TRPV4: variants seen among roughly 807,000 people sequenced by gnomAD.
The protein encoded by TRPV4 is OSM9-like transient receptor potential channel 4.
Under a neutral mutation model 84.1 loss-of-function variants are expected in TRPV4, and 58 were observed. The ratio of observed to expected loss-of-function variants is 0.69; its 90% CI spans 0.56 to 0.86. The LOEUF (loss-of-function observed/expected upper bound fraction) is 0.86, where lower values mean the gene tolerates loss of function less well. TRPV4 is among the 40% of genes least tolerant of loss of function. The pLI, the probability that TRPV4 is intolerant of heterozygous loss-of-function variation, is 0.00. For synonymous variants in TRPV4, 489 were observed against 500.9 expected, an observed-to-expected ratio of 0.98 and a Z score of 0.32; for missense variants, 879 against 1,181.1, an observed-to-expected ratio of 0.74 and a Z score of 3.75.
intron 1 of TRPV4, among the ~76,000 whole-genome samples, chr12:109,827,663 C>T (rs1382690233): frequency 6.6e-6 from 1 of 151,878 alleles, no homozygotes; most frequent in Non-Finnish European, 1.5e-5. Flanking sequence ...AACATACACA[C>T]ACATACACAC....
chr12:109,789,304 G>C (rs1200433187), intron 12 of TRPV4, among the ~76,000 whole-genome samples: 1 of 152,112 alleles, frequency 6.6e-6, no homozygotes, highest in African/African-American at 2.4e-5. Context: ...GCACAGGATG[G>C]TCCCCGCCAC....
At chr12:109,808,772 C>A (rs1429937252) in intron 2 of TRPV4, among the ~76,000 whole-genome samples, 2 of 146,536 alleles carry the variant, frequency 1.4e-5, no homozygotes, top group Admixed American at 6.7e-5. Context: ...TCCATCCATC[C>A]ATCACTCATC....
rs12305439 is a variant in TRPV4 at position 109,808,472 on chromosome 12, G to A, written c.387-4C>T. 4,307 of 1,610,698 alleles carry A rather than the reference G, an allele frequency of 2.7e-3. 103 individuals carry two copies. In the African/African-American group the frequency reaches 0.05, roughly 19 times the overall value. ...TTTGGGGCTCTGCGGCTGCTTCCTGGAGGAGGTAGGGAGGCAAGTTGATGG... is the reference window on the plus strand; with the variant it reads ...TTTGGGGCTCTGCGGCTGCTTCCTGAAGGAGGTAGGGAGGCAAGTTGATGG... On this transcript the variant is annotated splice_polypyrimidine_tract_variant and splice_region_variant and intron_variant, in intron 2 of 15. Coordinates refer to ENST00000261740, the MANE Select transcript of TRPV4 (RefSeq NM_021625.5).
chr12:109,799,949 T>A (rs1890668559), intron 5 of TRPV4, among the ~76,000 whole-genome samples: 1 of 151,668 alleles, frequency 6.6e-6, no homozygotes, highest in East Asian at 1.9e-4. Flanking sequence ...TTTATTTATT[T>A]ATTTATTTTT....
At chr12:109,785,659 T>C (rs1889641803) in intron 14 of TRPV4, among the ~76,000 whole-genome samples, 1 of 151,258 alleles carries the variant, frequency 6.6e-6, no homozygotes, top group Admixed American at 6.6e-5. Context: ...CCTCAGGTGA[T>C]CCACCCACCT....
At chr12:109,787,290 G>T (rs111776707) in intron 13 of TRPV4, among the ~76,000 whole-genome samples, 5,004 of 151,994 alleles carry the variant, frequency 0.033, 278 homozygotes, top group African/African-American at 0.11. Context: ...GCAGTTTTTT[G>T]TTGTTGTTGT....
Position 109,788,257 on chromosome 12 carries a change from C to A in TRPV4, c.2208+143G>T, listed in dbSNP as rs374905783. 1,069 of 833,274 alleles carry A rather than the reference C, an allele frequency of 1.3e-3. 17 individuals are homozygous for A. In the South Asian group the frequency reaches 0.018, roughly 14 times the overall value. The allele number at this position is 833,274 out of a possible 1,614,324, so 51.6% of individuals were successfully genotyped here. On this transcript the variant is annotated intron_variant, in intron 13 of 15. Coordinates refer to ENST00000261740, the MANE Select transcript of TRPV4 (RefSeq NM_021625.5). ...GGGAAGTCAGCAGCAGCCTCTGATG[C>A]CCATTTTACCGACAGAGAAGTGGAG...
Position 109,819,896 on chromosome 12 carries a change from C to T in TRPV4, c.-31-5069G>A, listed in dbSNP as rs865964252. ...GTTTTTGAATATGTTGGTTTTAAAT[C>T]CTATATATTCAAAAGCAGGTTTATA... On this transcript the variant is annotated intron_variant, in intron 1 of 15. Coordinates refer to ENST00000261740, the MANE Select transcript of TRPV4 (RefSeq NM_021625.5). Among the ~76,000 whole-genome samples, 5 of 152,222 alleles carry T rather than the reference C, an allele frequency of 3.3e-5. No individual in the cohort carries two copies. The South Asian group carries it at 1.0e-3, about 32-fold the overall frequency.
intron 1 of TRPV4, among the ~76,000 whole-genome samples, chr12:109,819,035 G>T (rs1426255862): frequency 1.3e-5 from 2 of 151,922 alleles, no homozygotes; most frequent in Admixed American, 6.6e-5. Flanking sequence ...CAGCACTCAG[G>T]AGTGTGTACA....
chr12:109,789,437 T>C (rs1565861794), intron 12 of TRPV4, among the ~76,000 whole-genome samples: 1 of 152,134 alleles, frequency 6.6e-6, no homozygotes, highest in Non-Finnish European at 1.5e-5. Flanking sequence ...TCTCTGACAG[T>C]TTCCCACTCC....
At chr12:109,826,065 C>A (rs1188095709) in intron 1 of TRPV4, among the ~76,000 whole-genome samples, 1 of 152,174 alleles carries the variant, frequency 6.6e-6, no homozygotes, top group Non-Finnish European at 1.5e-5. Context: ...GCTTTGTCAC[C>A]CAGGCTGGAG....
chr12:109,814,482 G>A lies in TRPV4; in HGVS notation c.315C>T (p.Asp105=). 1 of 1,614,174 alleles carries A rather than the reference G, an allele frequency of 6.2e-7. No homozygotes were observed. Among genetic ancestry groups the A allele is most frequent in the Non-Finnish European group, 8.5e-7 (1 of 1,180,006 alleles). Residue 105 remains aspartate, a synonymous_variant, in exon 2 of 16, where the codon GAC becomes GAT. Coordinates refer to ENST00000261740, the MANE Select transcript of TRPV4 (RefSeq NM_021625.5). This position sits in a 1 kb window ranked among gnomAD's most constrained non-coding sequence, Gnocchi z 5.4. ...GATAGGTGCCGTAGTCAAACAGTGAGTCCATGGGTGCTTTCTTGGGCCCAG... is the reference window on the plus strand; with the variant it reads ...GATAGGTGCCGTAGTCAAACAGTGAATCCATGGGTGCTTTCTTGGGCCCAG... ...VVPGPKKAPM[D]SLFDYGTYRH... is the part of the protein sequence containing the mutation.
intron 1 of TRPV4, among the ~76,000 whole-genome samples, chr12:109,822,155 C>A (rs1262933236): frequency 7.1e-6 from 1 of 140,390 alleles, no homozygotes; most frequent in African/African-American, 2.7e-5. Flanking sequence ...AATGGTGTGG[C>A]CTGGGGCACA....
In TRPV4 at chr12:109,793,720, A is replaced by G; in HGVS notation, c.1585-120T>C. 1.1e-6 allele frequency: 1 copy of G among 935,722 alleles called. No individual in the cohort carries two copies. The highest frequency in any genetic ancestry group is 1.6e-5 in the African/African-American group (1 of 61,206). The allele number at this position is 935,722 out of a possible 1,614,324, so 58.0% of individuals were successfully genotyped here. A position where few individuals can be genotyped will look rare whatever the true frequency, so the allele number is the denominator to read the frequency against. The stretch of plus-strand genomic sequence containing the variant: ...CAGAGGCTGGTACAGAGAAAAGACA[A>G]AGGACTCTTTCCTGTTAGAAAAGGA... On this transcript the variant is annotated intron_variant, in intron 9 of 15. Coordinates refer to ENST00000261740, the MANE Select transcript of TRPV4 (RefSeq NM_021625.5). The surrounding 1 kb of genome is among the most constrained non-coding windows in gnomAD (Gnocchi z 4.0).
At chr12:109,823,327 G>T (rs890906547) in intron 1 of TRPV4, among the ~76,000 whole-genome samples, 1 of 152,224 alleles carries the variant, frequency 6.6e-6, no homozygotes, top group African/African-American at 2.4e-5. Flanking sequence ...GGCAGGGCAG[G>T]TCTGGGGTGA....
intron 6 of TRPV4, among the ~76,000 whole-genome samples, chr12:109,797,587 A>G (rs970486980): frequency 6.6e-6 from 1 of 152,264 alleles, no homozygotes. Context: ...CCAAAGTGCT[A>G]GGATTACAGA....
In TRPV4 at chr12:109,798,484, T is replaced by C; in HGVS notation, c.1152+130A>G. On this transcript the variant is annotated intron_variant, in intron 6 of 15. Coordinates refer to ENST00000261740, the MANE Select transcript of TRPV4 (RefSeq NM_021625.5). This position sits in a 1 kb window ranked among gnomAD's most constrained non-coding sequence, Gnocchi z 5.0. ...TAGCAGGTTCTTGAGCTGGGACATC[T>C]GCACACTGGGGTTGGCATGTTGGGA... The C allele has an allele frequency of 8.3e-7, 1 of 1,199,320 alleles. No individual in the cohort carries two copies. Among genetic ancestry groups the C allele is most frequent in the Non-Finnish European group, 1.2e-6 (1 of 848,008 alleles). 74.3% of individuals were successfully genotyped at this position (1,199,320 alleles called of 1,614,324 possible). A position where few individuals can be genotyped will look rare whatever the true frequency, so the allele number is the denominator to read the frequency against.
chr12:109,793,841 G>T lies in TRPV4; in HGVS notation c.1584+89C>A. 1 of 1,033,774 alleles carries T rather than the reference G, an allele frequency of 9.7e-7. No individual in the cohort carries two copies. The highest frequency in any genetic ancestry group is 1.3e-5 in the South Asian group (1 of 74,078). 64.0% of individuals were successfully genotyped at this position (1,033,774 alleles called of 1,614,324 possible). On this transcript the variant is annotated intron_variant, in intron 9 of 15. Coordinates refer to ENST00000261740, the MANE Select transcript of TRPV4 (RefSeq NM_021625.5). The surrounding 1 kb of genome is among the most constrained non-coding windows in gnomAD (Gnocchi z 4.0). ...GAAAGGAGAAGGACCATTTGGAGGA[G>T]AGAGAAGAGAAAAAGAGGGAGAGAA...
At chr12:109,800,799 G>C (rs746693636) in intron 4 of TRPV4, 41 bp from the exon 5 acceptor site, 1 of 1,566,054 alleles carries the variant, frequency 6.4e-7, no homozygotes, top group Non-Finnish European at 8.7e-7. Flanking sequence ...TGGCGGAGCA[G>C]AGACCTAGCC....
Sources: allele counts gnomAD v4.1 joint callset (sites outside exome capture counted in the v4.1 genomes callset), GRCh38; gene constraint gnomAD v4.1.1; non-coding constraint Gnocchi (gnomAD v3.1); transcripts MANE v1.5; gene names NCBI Gene and HGNC (gene_info 2026-07-23, HGNC 2026-07-21).